MREG: variants seen among roughly 807,000 people sequenced by gnomAD.
MREG encodes the protein dilute suppressor protein homolog.
MREG carries 31 observed loss-of-function variants against 28.5 expected under a neutral mutation model. The ratio of observed to expected loss-of-function variants is 1.09; its 90% CI spans 0.82 to 1.47. The LOEUF (loss-of-function observed/expected upper bound fraction) is 1.47. Among genes scored for constraint, MREG ranks in the 40% most tolerant of loss-of-function variants. The pLI, the probability that MREG is intolerant of heterozygous loss-of-function variation, is 0.00. For synonymous variants in MREG, 106 were observed against 95.2 expected, an observed-to-expected ratio of 1.11 and a Z score of -0.66; for missense variants, 256 against 257.4, an observed-to-expected ratio of 0.99 and a Z score of 0.04.
intron 2 of MREG, among the ~76,000 whole-genome samples, chr2:215,983,881 C>A (rs115092852): frequency 1.3e-5 from 2 of 152,128 alleles, no homozygotes; most frequent in Non-Finnish European, 2.9e-5. Flanking sequence ...AAAGGATAAG[C>A]GTAGAATTTC....
At chr2:215,951,300 G>A (rs919394682) in intron 2 of MREG, among the ~76,000 whole-genome samples, 1 of 152,076 alleles carries the variant, frequency 6.6e-6, no homozygotes, top group Non-Finnish European at 1.5e-5. Flanking sequence ...AACTAACTCC[G>A]CTACTCCCTG....
At chr2:215,961,132 G>A (rs2372676) in intron 2 of MREG, among the ~76,000 whole-genome samples, 133,979 of 152,288 alleles carry the variant, frequency 0.88, 59,018 homozygotes, top group Non-Finnish European at 0.91. Context: ...TTGGCAGGGG[G>A]TGGAGGCCAG....
At chr2:215,992,504 C>G (rs1693743577) in intron 2 of MREG, among the ~76,000 whole-genome samples, 1 of 152,148 alleles carries the variant, frequency 6.6e-6, no homozygotes, top group Non-Finnish European at 1.5e-5. Context: ...AAAACCGGCA[C>G]AAGACAAGGA....
At chr2:215,998,435 C>T (rs1161656255) in intron 1 of MREG, among the ~76,000 whole-genome samples, 1 of 152,092 alleles carries the variant, frequency 6.6e-6, no homozygotes, top group Non-Finnish European at 1.5e-5. Flanking sequence ...GACCAGCTAC[C>T]TGAATCAGCA....
Position 215,944,976 on chromosome 2 carries a change from C to T in MREG, c.532G>A (p.Ala178Thr). The change falls in exon 5 of 5, where the codon GCT becomes ACT. Residue 178 changes from alanine (A) to threonine (T), a missense_variant. Ala to Thr is a moderately conservative substitution (Grantham distance 58, BLOSUM62 0). Transcript: ENST00000263268. ...GCAAGCTTAAAGAACTCTTCTGCAGCATCAAGTGCAATGAGACGGTCCTGC... is the reference window on the plus strand; with the variant it reads ...GCAAGCTTAAAGAACTCTTCTGCAGTATCAAGTGCAATGAGACGGTCCTGC... ...FVVDRLIALDAAEEFFKLARR... is the reference protein window; with the variant it reads ...FVVDRLIALDTAEEFFKLARR... The T allele has an allele frequency of 6.3e-7, 1 of 1,593,046 alleles. No homozygotes were observed. Among genetic ancestry groups the T allele is most frequent in the Non-Finnish European group, 8.6e-7 (1 of 1,163,368 alleles).
At chr2:215,945,860 A>C (rs963997734) in intron 3 of MREG, 126 bp from the exon 4 acceptor site, 2 of 750,066 alleles carry the variant, frequency 2.7e-6, no homozygotes, top group Admixed American at 6.0e-5. Context: ...AGCATCAGAA[A>C]ACTGAAGCCA....
At chr2:216,015,463 G>A (rs1277343776), upstream of MREG, among the ~76,000 whole-genome samples, 1 of 152,164 alleles carries the variant, frequency 6.6e-6, no homozygotes, top group East Asian at 1.9e-4. Flanking sequence ...AGAGTTATAG[G>A]AGATAGCGGA....
In MREG at chr2:215,949,071, A is replaced by AATAATG. The variant is rs1692401531; in HGVS notation, c.256-1959_256-1958insCATTAT. ...TACTACTACTACTACTACTACTACT[A>AATAATG]CTACTACTACTACTACTAATAATAA... On this transcript the variant is annotated intron_variant, in intron 2 of 4. Coordinates refer to ENST00000263268, the MANE Select transcript of MREG (RefSeq NM_018000.3). Among the ~76,000 whole-genome samples, 3 of 139,468 alleles carry AATAATG rather than the reference A, an allele frequency of 2.2e-5. No individual in the cohort carries two copies. The East Asian group carries it at 6.4e-4, about 30-fold the overall frequency. The allele number at this position is 139,468 out of a possible 152,430, so 91.5% of individuals were successfully genotyped here.
intron 2 of MREG, among the ~76,000 whole-genome samples, chr2:215,960,404 A>G: frequency 6.6e-6 from 1 of 152,238 alleles, no homozygotes; most frequent in Non-Finnish European, 1.5e-5. Context: ...TGCACTGCAC[A>G]TGATGATGCA....
At chr2:215,977,467 TCAA>T (rs1446070440) in intron 2 of MREG, among the ~76,000 whole-genome samples, 6 of 152,296 alleles carry the variant, frequency 3.9e-5, no homozygotes, top group African/African-American at 1.4e-4. Context: ...ATTAGACAGA[TCAA>T]CGAGACAGAA....
At chr2:215,946,776 C>T (rs1298656123) in intron 3 of MREG, among the ~76,000 whole-genome samples, 1 of 152,196 alleles carries the variant, frequency 6.6e-6, no homozygotes, top group Non-Finnish European at 1.5e-5. Flanking sequence ...GGCATGCGTA[C>T]CCTATACTAG....
intron 2 of MREG, among the ~76,000 whole-genome samples, chr2:215,961,528 C>T (rs1370643769): frequency 3.3e-5 from 5 of 152,096 alleles, no homozygotes; most frequent in Non-Finnish European, 5.9e-5. Context: ...CGGGTTCAAG[C>T]GATTCGCCTG....
chr2:215,959,559 G>C (rs1432132197), intron 2 of MREG, among the ~76,000 whole-genome samples: 1 of 152,170 alleles, frequency 6.6e-6, no homozygotes, highest in Admixed American at 6.5e-5. Context: ...CCAACCTGCT[G>C]TCTTCCAAAG....
intron 2 of MREG, among the ~76,000 whole-genome samples, chr2:215,949,090 A>AC (rs1559173595): frequency 0.022 from 2,922 of 130,048 alleles, 41 homozygotes; most frequent in Non-Finnish European, 0.032. Context: ...ACTACTACTA[A>AC]TAATAATAAT....
At chr2:216,033,178 G>T (rs1178740482), upstream of MREG, among the ~76,000 whole-genome samples, 1 of 152,062 alleles carries the variant, frequency 6.6e-6, no homozygotes, top group African/African-American at 2.4e-5. Context: ...CTGCCACCCA[G>T]CTTAGACAAT....
At chr2:216,013,945 T>C (rs55923445), upstream of MREG, among the ~76,000 whole-genome samples, 27,920 of 152,056 alleles carry the variant, frequency 0.18, 3,029 homozygotes, top group Non-Finnish European at 0.25. Context: ...ATATTTACAA[T>C]GATTTGAAAA....
intron 2 of MREG, among the ~76,000 whole-genome samples, chr2:215,954,713 T>G (rs969146947): frequency 6.6e-6 from 1 of 152,166 alleles, no homozygotes; most frequent in African/African-American, 2.4e-5. Flanking sequence ...TTTATTTTTT[T>G]TTTTTTAGAG....
chr2:215,945,014 C>A lies in MREG; in HGVS notation c.511-17G>T, dbSNP rs763520875. 5.8e-6 allele frequency: 9 copies of A among 1,552,856 alleles called. No individual in the cohort carries two copies. In the East Asian group the frequency reaches 2.1e-4, roughly 35 times the overall value. On this transcript the variant is annotated splice_polypyrimidine_tract_variant and intron_variant, in intron 4 of 4. Coordinates refer to ENST00000263268, the MANE Select transcript of MREG (RefSeq NM_018000.3). ...GAGACGGTCCTGCAAAAACAAACAA[C>A]AAACCAAAAAACTGCTGGCAAGATA... is the stretch of plus-strand genomic sequence containing the variant.
downstream of MREG, among the ~76,000 whole-genome samples, chr2:215,941,232 G>C (rs1692193711): frequency 6.6e-6 from 1 of 152,182 alleles, no homozygotes; most frequent in African/African-American, 2.4e-5. Context: ...AGTATGTTCA[G>C]TCTGATTATT....
Sources: gnomAD v4.1 joint callset for allele counts (sites outside exome capture counted in the v4.1 genomes callset) on GRCh38, gnomAD v4.1.1 for gene constraint, MANE v1.5 for transcripts, NCBI Gene and HGNC (gene_info 2026-07-23, HGNC 2026-07-21) for gene names.